CDH13: variants seen among roughly 807,000 people sequenced by gnomAD.
The protein encoded by CDH13 is cadherin 13, also known as cadherin-13.
Under a neutral mutation model 63.8 loss-of-function variants are expected in CDH13, and 24 were observed. The observed-to-expected ratio is 0.38, with a 90% CI of 0.27 to 0.53. The LOEUF (loss-of-function observed/expected upper bound fraction) is 0.53. Among genes scored for constraint, CDH13 ranks in the 20% least tolerant of loss-of-function variants. CDH13 has a pLI of 0.85. For synonymous variants in CDH13, 503 were observed against 355.3 expected (o/e 1.42, Z -4.67); for missense variants, 1,049 against 903.1 (o/e 1.16, Z -2.07).
intron 5 of CDH13, among the ~76,000 whole-genome samples, chr16:83,330,216 C>G (rs1365026859): frequency 6.6e-6 from 1 of 152,176 alleles, no homozygotes; most frequent in Non-Finnish European, 1.5e-5. Flanking sequence ...AACACACACA[C>G]ACATGCACAC....
intron 2 of CDH13, among the ~76,000 whole-genome samples, chr16:82,930,945 G>C (rs1473199619): frequency 6.6e-6 from 1 of 152,222 alleles, no homozygotes; most frequent in East Asian, 1.9e-4. Context: ...TCGACTTGTG[G>C]CTTTGTCATT....
At chr16:83,059,545 A>G (rs1190755446) in intron 3 of CDH13, among the ~76,000 whole-genome samples, 1 of 152,032 alleles carries the variant, frequency 6.6e-6, no homozygotes, top group Non-Finnish European at 1.5e-5. Flanking sequence ...CTTATGAGAG[A>G]TTGAACTCTT....
chr16:82,906,474 T>C (rs915879969), intron 2 of CDH13, among the ~76,000 whole-genome samples: 1 of 152,136 alleles, frequency 6.6e-6, no homozygotes, highest in African/African-American at 2.4e-5. Context: ...CCTAAAAGAA[T>C]AATAACCACA....
At chr16:83,172,564 C>G (rs1414433343) in intron 4 of CDH13, among the ~76,000 whole-genome samples, 2 of 150,276 alleles carry the variant, frequency 1.3e-5, no homozygotes, top group Admixed American at 1.3e-4. Flanking sequence ...CCAAAAATGC[C>G]AAAAAATGCA....
chr16:82,996,562 A>T (rs1175440489), intron 2 of CDH13, among the ~76,000 whole-genome samples: 1 of 152,238 alleles, frequency 6.6e-6, no homozygotes, highest in East Asian at 1.9e-4. Context: ...AATCAGCAAA[A>T]ACATTAATGA....
rs138297595 is a variant in CDH13, at chr16:82,644,811, C to T, written c.45+17674C>T. On this transcript the variant is annotated intron_variant, in intron 1 of 13. Transcript: ENST00000567109. The surrounding 1 kb of genome is among the most constrained non-coding windows in gnomAD (Gnocchi z 5.7). ...CGCAAAGCCACGTAAGTGTCTGATT[C>T]AGTCCTCCCTGGTCAGTTTTCCAGC... is the stretch of plus-strand genomic sequence containing the variant. Among the ~76,000 whole-genome samples, 1 of 152,182 alleles carries T rather than the reference C, an allele frequency of 6.6e-6. No individual in the cohort carries two copies. Among genetic ancestry groups the T allele is most frequent in the African/African-American group, 2.4e-5 (1 of 41,456 alleles).
chr16:83,202,491 C>G (rs1263367351), intron 4 of CDH13, among the ~76,000 whole-genome samples: 3 of 152,078 alleles, frequency 2.0e-5, no homozygotes, highest in African/African-American at 4.8e-5. Context: ...AGTGAGAAAC[C>G]TCAAAGCTGT....
chr16:83,182,781 A>G (rs1242580591), intron 4 of CDH13, among the ~76,000 whole-genome samples: 3 of 152,220 alleles, frequency 2.0e-5, no homozygotes, highest in Admixed American at 2.0e-4. Context: ...ACAGTATTAA[A>G]TACACAAAAT....
At chr16:83,160,590 A>G (rs2037406999) in intron 4 of CDH13, among the ~76,000 whole-genome samples, 1 of 152,198 alleles carries the variant, frequency 6.6e-6, no homozygotes, top group Non-Finnish European at 1.5e-5. Flanking sequence ...TGGCCTTCCA[A>G]AAGGCCAGTT....
chr16:82,640,338 A>C (rs1909243338), intron 1 of CDH13, among the ~76,000 whole-genome samples: 1 of 152,176 alleles, frequency 6.6e-6, no homozygotes. Flanking sequence ...TTGTTGGTCA[A>C]CTTTTGTCAA....
At chr16:83,224,425 G>A (rs2039785874) in intron 5 of CDH13, among the ~76,000 whole-genome samples, 1 of 152,212 alleles carries the variant, frequency 6.6e-6, no homozygotes, top group African/African-American at 2.4e-5. Context: ...TCAGTGAGAA[G>A]CTTAGTTGCC....
chr16:82,815,058 T>C (rs1356377013), intron 1 of CDH13, among the ~76,000 whole-genome samples: 1 of 152,090 alleles, frequency 6.6e-6, no homozygotes, highest in Non-Finnish European at 1.5e-5. Flanking sequence ...ATTTAATAAA[T>C]ATCTCATTCA....
chr16:83,286,967 C>T (rs1376423693), intron 5 of CDH13, among the ~76,000 whole-genome samples: 1 of 152,060 alleles, frequency 6.6e-6, no homozygotes, highest in Admixed American at 6.5e-5. Context: ...GTATTATAAC[C>T]TGTACCCCAT....
intron 4 of CDH13, among the ~76,000 whole-genome samples, chr16:83,172,524 A>G (rs1474999043): frequency 2.6e-5 from 4 of 151,970 alleles, no homozygotes; most frequent in Non-Finnish European, 2.9e-5. Flanking sequence ...ACAAAATAAC[A>G]GCAGAAATCA....
chr16:83,045,797 G>T (rs940121244), intron 3 of CDH13, among the ~76,000 whole-genome samples: 2 of 152,204 alleles, frequency 1.3e-5, no homozygotes, highest in Admixed American at 6.5e-5. Flanking sequence ...AACAGGGGAA[G>T]AGGTACCATT....
At chr16:82,696,868 AGGCTT>A (rs1224347883) in intron 1 of CDH13, among the ~76,000 whole-genome samples, 1 of 152,224 alleles carries the variant, frequency 6.6e-6, no homozygotes, top group Non-Finnish European at 1.5e-5. Context: ...AGTCATCTGC[AGGCTT>A]GACTGGGGCT....
At chr16:83,093,708 C>A (rs1270341817) in intron 3 of CDH13, among the ~76,000 whole-genome samples, 1 of 152,142 alleles carries the variant, frequency 6.6e-6, no homozygotes, top group East Asian at 1.9e-4. Context: ...CATCTTCATG[C>A]CGGAATTTGC....
intron 3 of CDH13, among the ~76,000 whole-genome samples, chr16:83,041,755 T>C (rs1295169249): frequency 6.6e-6 from 1 of 152,200 alleles, no homozygotes; most frequent in Non-Finnish European, 1.5e-5. Context: ...CACATGATAC[T>C]GAAAAGTTAC....
intron 1 of CDH13, among the ~76,000 whole-genome samples, chr16:82,799,807 G>C (rs1332586073): frequency 1.3e-5 from 2 of 152,192 alleles, no homozygotes; most frequent in Non-Finnish European, 2.9e-5. Context: ...ACTACACAAA[G>C]TGTAGATTTT....
Sources: gnomAD v4.1 joint callset for allele counts (sites outside exome capture counted in the v4.1 genomes callset) on GRCh38, gnomAD v4.1.1 for gene constraint, Gnocchi (gnomAD v3.1) non-coding constraint, MANE v1.5 for transcripts, NCBI Gene and HGNC (gene_info 2026-07-23, HGNC 2026-07-21) for gene names.